Variants in SPATA6 observed in about 807,000 individuals in gnomAD.
SPATA6 encodes the protein spermatogenesis associated 6.
A neutral mutation model predicts 65.3 loss-of-function variants in SPATA6; 56 were observed. That is an observed-to-expected ratio of 0.86 (90% CI 0.69 to 1.07). SPATA6 has a LOEUF of 1.07. Among genes scored for constraint, SPATA6 ranks in the 50% least tolerant of loss-of-function variants. The pLI, the probability that SPATA6 is intolerant of heterozygous loss-of-function variation, is 0.00. For missense variants in SPATA6, 590 were observed against 594.8 expected (o/e 0.99, Z 0.08); for synonymous variants, 199 against 213.2 (o/e 0.93, Z 0.58).
intron 1 of SPATA6, 56 bp downstream of exon 1, chr1:48,471,902 G>A (rs113124826): frequency 0.036 from 56,874 of 1,594,530 alleles, 1,691 homozygotes; most frequent in South Asian, 0.12. Context: ...TCTCGGAGGT[G>A]ACTGAGGGAG....
At chr1:48,471,328 C>G (rs1370574840) in intron 1 of SPATA6, among the ~76,000 whole-genome samples, 1 of 152,074 alleles carries the variant, frequency 6.6e-6, no homozygotes, top group Non-Finnish European at 1.5e-5. Context: ...GGCACAAAGT[C>G]GGAAGGGTCT....
At chr1:48,354,540 G>C (rs897774975) in intron 11 of SPATA6, among the ~76,000 whole-genome samples, 1 of 152,048 alleles carries the variant, frequency 6.6e-6, no homozygotes, top group Admixed American at 6.6e-5. Flanking sequence ...AAAATGTATT[G>C]TATGAATACA....
intron 11 of SPATA6, among the ~76,000 whole-genome samples, chr1:48,329,570 T>C (rs1236362583): frequency 6.6e-6 from 1 of 152,246 alleles, no homozygotes; most frequent in African/African-American, 2.4e-5. Context: ...ATAAATTCTA[T>C]ACTTGTGTTT....
At chr1:48,406,797 C>A (rs1218660638) in intron 5 of SPATA6, among the ~76,000 whole-genome samples, 2 of 152,250 alleles carry the variant, frequency 1.3e-5, no homozygotes, top group East Asian at 3.9e-4. Context: ...ACCCAAAAAC[C>A]CTATGATATC....
At chr1:48,275,130 GCTCT>G in the SPATA6 span, among the ~76,000 whole-genome samples, 2 of 151,988 alleles carry the variant, frequency 1.3e-5, no homozygotes, top group Non-Finnish European at 2.9e-5. Flanking sequence ...TCATGATTTG[GCTCT>G]CTGTTTGTCT....
intron 3 of SPATA6, among the ~76,000 whole-genome samples, chr1:48,430,863 T>A (rs1654335190): frequency 6.6e-6 from 1 of 151,892 alleles, no homozygotes; most frequent in Non-Finnish European, 1.5e-5. Flanking sequence ...AGAAAATGAG[T>A]GACAAAAAAG....
At chr1:48,385,023 GAATAT>G (rs1364015340) in intron 9 of SPATA6, among the ~76,000 whole-genome samples, 1 of 152,066 alleles carries the variant, frequency 6.6e-6, no homozygotes. Flanking sequence ...AGGTATTACT[GAATAT>G]AACAACTGAT....
chr1:48,401,193 C>T (rs1413245660), intron 6 of SPATA6, among the ~76,000 whole-genome samples: 1 of 151,964 alleles, frequency 6.6e-6, no homozygotes, highest in East Asian at 1.9e-4. Flanking sequence ...AGAACTCTTC[C>T]CCCAAGTTCT....
intron 2 of SPATA6, 79 bp downstream of exon 2, chr1:48,452,915 G>C: frequency 6.7e-7 from 1 of 1,486,284 alleles, no homozygotes; most frequent in East Asian, 2.4e-5. Context: ...GTAATAATTT[G>C]TGTTATAGGC....
intron 11 of SPATA6, among the ~76,000 whole-genome samples, chr1:48,307,999 A>G (rs981877627): frequency 6.6e-6 from 1 of 151,966 alleles, no homozygotes; most frequent in African/African-American, 2.4e-5. Flanking sequence ...CATCTCTTGT[A>G]GACAGAATAT....
chr1:48,451,595 G>A lies in SPATA6; in HGVS notation c.195C>T (p.Phe65=). The change falls in exon 3 of 13, where the codon TTC becomes TTT. Residue 65 remains phenylalanine, a synonymous_variant. Transcript: ENST00000371847. ...CATCTCCAGGATCTACTGCGTCCGG[G>A]AACACCTATAGTGAGACGATACAGG... ...FNARMVFEKV[F]PDAVDPGDVV... 6.2e-7 allele frequency: 1 copy of A among 1,612,078 alleles called. No homozygotes were observed. Among genetic ancestry groups the A allele is most frequent in the South Asian group, 1.1e-5 (1 of 90,592 alleles).
In SPATA6 at chr1:48,355,928, CCA is replaced by C. The variant is rs751444489; in HGVS notation, c.1095-161_1095-160del. Among the ~76,000 whole-genome samples, 169 of 152,186 alleles carry C rather than the reference CCA, an allele frequency of 1.1e-3. 1 individual carries two copies. Among genetic ancestry groups the C allele is most frequent in the Admixed American group, 4.2e-3 (64 of 15,276 alleles). ...ATATATCTGACCATTTTAATGATTT[CCA>C]CACAGTTATTTGGAGCTTTAATTAA... On this transcript the variant is annotated intron_variant, in intron 10 of 12. Transcript: ENST00000371847.
rs554858628 is a variant in SPATA6, at chr1:48,355,595, G to A, written c.1194+75C>T. 606 of 1,012,978 alleles carry A rather than the reference G, an allele frequency of 6.0e-4. 4 individuals carry two copies. The highest frequency in any genetic ancestry group is 4.7e-3 in the South Asian group (261 of 56,034). 62.7% of individuals were successfully genotyped at this position (1,012,978 alleles called of 1,614,324 possible). ...TTTTTCTTCCCGGTGACTAAATTTTGTAAGCTTTAGGCATCTTTGGTGGTT... is the reference window on the plus strand; with the variant it reads ...TTTTTCTTCCCGGTGACTAAATTTTATAAGCTTTAGGCATCTTTGGTGGTT... On this transcript the variant is annotated intron_variant, in intron 11 of 12. Coordinates refer to ENST00000371847, the MANE Select transcript of SPATA6 (RefSeq NM_019073.4).
rs147060657 is a variant in SPATA6, at chr1:48,341,231, C to A, written c.1194+14439G>T. Among the ~76,000 whole-genome samples, 789 of 152,212 alleles carry A rather than the reference C, an allele frequency of 5.2e-3. 19 individuals carry two copies. The highest frequency in any genetic ancestry group is 0.05 in the South Asian group (240 of 4,826). On this transcript the variant is annotated intron_variant, in intron 11 of 12. Coordinates refer to ENST00000371847, the MANE Select transcript of SPATA6 (RefSeq NM_019073.4). ...ATTCCACTTTTAGGTATATTTCCAGCCAGAATACACACAGTAGTACCCCTA... is the reference window on the plus strand; with the variant it reads ...ATTCCACTTTTAGGTATATTTCCAGACAGAATACACACAGTAGTACCCCTA...
intron 11 of SPATA6, among the ~76,000 whole-genome samples, chr1:48,328,699 T>C (rs949360116): frequency 6.6e-6 from 1 of 152,138 alleles, no homozygotes; most frequent in African/African-American, 2.4e-5. Context: ...TTTTTTTGAG[T>C]ATAGTAAAAG....
intron 1 of SPATA6, among the ~76,000 whole-genome samples, chr1:48,463,205 T>A (rs1657575650): frequency 6.6e-6 from 1 of 152,180 alleles, no homozygotes; most frequent in Non-Finnish European, 1.5e-5. Flanking sequence ...ATCCCCATAA[T>A]AAATTCCCTA....
intron 9 of SPATA6, among the ~76,000 whole-genome samples, chr1:48,384,207 G>A (rs1473164627): frequency 4.1e-5 from 6 of 147,014 alleles, no homozygotes; most frequent in Non-Finnish European, 6.0e-5. Flanking sequence ...GTGGCGGTGC[G>A]CGCCTGCAAT....
the SPATA6 span, among the ~76,000 whole-genome samples, chr1:48,287,945 T>C: frequency 6.6e-6 from 1 of 152,250 alleles, no homozygotes; most frequent in Non-Finnish European, 1.5e-5. Context: ...GGGTTTTTCA[T>C]ATATGGCTTT....
intron 6 of SPATA6, among the ~76,000 whole-genome samples, 164 bp downstream of exon 6, chr1:48,403,638 C>T (rs1651397207): frequency 6.6e-6 from 1 of 152,154 alleles, no homozygotes; most frequent in African/African-American, 2.4e-5. Flanking sequence ...CATTTACTAA[C>T]ATGTAACCAA....
Sources: allele counts gnomAD v4.1 joint callset (sites outside exome capture counted in the v4.1 genomes callset), GRCh38; gene constraint gnomAD v4.1.1; transcripts MANE v1.5; gene names NCBI Gene and HGNC (gene_info 2026-07-23, HGNC 2026-07-21).